Variants in TYW1B observed in about 807,000 individuals in gnomAD.
TYW1B encodes the protein S-adenosyl-L-methionine-dependent tRNA 4-demethylwyosine synthase TYW1B.
A neutral mutation model predicts 86.9 loss-of-function variants in TYW1B; 73 were observed. That is an observed-to-expected ratio of 0.84 (90% CI 0.70 to 1.02). The LOEUF is 1.02. Among genes scored for constraint, TYW1B ranks in the 50% least tolerant of loss-of-function variants. The pLI is 0.00. For missense variants in TYW1B, 637 were observed against 827.4 expected, an observed-to-expected ratio of 0.77 and a Z score of 2.82; for synonymous variants, 248 against 292.8, an observed-to-expected ratio of 0.85 and a Z score of 1.56.
chr7:72,671,316 C>T (rs532190057), intron 11 of TYW1B, among the ~76,000 whole-genome samples: 1 of 152,156 alleles, frequency 6.6e-6, no homozygotes, highest in African/African-American at 2.4e-5. Context: ...CCCTCCACCC[C>T]CAGACACTTG....
intron 11 of TYW1B, among the ~76,000 whole-genome samples, chr7:72,669,976 T>TAAATAAAG (rs1354609902): frequency 7.9e-6 from 1 of 127,364 alleles, no homozygotes; most frequent in Non-Finnish European, 1.7e-5. Context: ...AATAAATAAA[T>TAAATAAAG]AAAGATTAGC....
intron 6 of TYW1B, among the ~76,000 whole-genome samples, chr7:72,796,438 G>A (rs1334506944): frequency 7.1e-6 from 1 of 141,144 alleles, no homozygotes; most frequent in Admixed American, 7.3e-5. Flanking sequence ...GTTTCACCAT[G>A]TTGGCCAGGT....
At chr7:72,807,627 C>CT (rs2129572610) in intron 4 of TYW1B, among the ~76,000 whole-genome samples, 1 of 151,936 alleles carries the variant, frequency 6.6e-6, no homozygotes, top group Non-Finnish European at 1.5e-5. Flanking sequence ...GGGTTAATGA[C>CT]TAAAAAAAAA....
At chr7:72,814,367 G>C (rs376706579) in intron 3 of TYW1B, among the ~76,000 whole-genome samples, 1 of 151,350 alleles carries the variant, frequency 6.6e-6, no homozygotes, top group East Asian at 2.0e-4. Flanking sequence ...GGCGGATCAC[G>C]AGGTCAGGAG....
chr7:72,609,811 A>C (rs1212279318), intron 13 of TYW1B, among the ~76,000 whole-genome samples: 9 of 152,082 alleles, frequency 5.9e-5, no homozygotes, highest in African/African-American at 2.2e-4. Context: ...CAAGATCTGC[A>C]TACTCCGAGA....
intron 11 of TYW1B, among the ~76,000 whole-genome samples, chr7:72,666,142 G>T (rs2129569570): frequency 6.6e-6 from 1 of 152,262 alleles, no homozygotes; most frequent in East Asian, 1.9e-4. Flanking sequence ...GGCCAGGCAT[G>T]GTGGCTCACG....
At chr7:72,779,097 C>A (rs1788004498) in intron 6 of TYW1B, among the ~76,000 whole-genome samples, 1 of 152,050 alleles carries the variant, frequency 6.6e-6, no homozygotes, top group East Asian at 1.9e-4. Flanking sequence ...TTCACAATAA[C>A]TCATCCAGGC....
intron 11 of TYW1B, among the ~76,000 whole-genome samples, chr7:72,668,325 C>T (rs1263717311): frequency 2.0e-5 from 3 of 152,066 alleles, no homozygotes; most frequent in African/African-American, 4.8e-5. Flanking sequence ...GCATATATAT[C>T]AAAAAATGCT....
chr7:72,700,995 C>A (rs1404396371), intron 10 of TYW1B, among the ~76,000 whole-genome samples: 1 of 150,954 alleles, frequency 6.6e-6, no homozygotes, highest in Non-Finnish European at 1.5e-5. Flanking sequence ...ATCGGGGAGG[C>A]GGAGGTTGCA....
intron 13 of TYW1B, among the ~76,000 whole-genome samples, chr7:72,585,436 A>G (rs1172895485): frequency 6.6e-6 from 1 of 152,224 alleles, no homozygotes; most frequent in Admixed American, 6.5e-5. Flanking sequence ...ACACTATACC[A>G]TTCTTTATTT....
chr7:72,730,723 G>A (rs1165872479), intron 8 of TYW1B, among the ~76,000 whole-genome samples: 12 of 151,658 alleles, frequency 7.9e-5, no homozygotes, highest in East Asian at 3.9e-4. Context: ...AGCAGGAGGC[G>A]TAGGAAAAAA....
chr7:72,716,721 C>A (rs1786793233), intron 9 of TYW1B, among the ~76,000 whole-genome samples: 1 of 151,996 alleles, frequency 6.6e-6, no homozygotes, highest in Non-Finnish European at 1.5e-5. Context: ...TCACTGCAAC[C>A]TCCGCCTCCC....
intron 10 of TYW1B, among the ~76,000 whole-genome samples, chr7:72,701,063 C>CGGA (rs1554452452): frequency 6.9e-6 from 1 of 144,232 alleles, no homozygotes; most frequent in Non-Finnish European, 1.5e-5. Context: ...GATTCCATCT[C>CGGA]AGAAAAAAAA....
intron 7 of TYW1B, among the ~76,000 whole-genome samples, chr7:72,771,202 A>T (rs532947481): frequency 3.2e-4 from 49 of 152,152 alleles, no homozygotes; most frequent in African/African-American, 1.1e-3. Flanking sequence ...ACCTCAAATG[A>T]TCCGCCCACC....
At chr7:72,722,952 G>T in intron 9 of TYW1B, 1 of 714,268 alleles carries the variant, frequency 1.4e-6, no homozygotes. Context: ...ACCTTTACCA[G>T]CAGGCCTCCC....
chr7:72,815,521 G>A (rs782746272), intron 2 of TYW1B, 40 bp from the exon 3 acceptor site: 56 of 1,567,238 alleles, frequency 3.6e-5, no homozygotes, highest in Non-Finnish European at 4.8e-5. Context: ...AGTCTTCAAT[G>A]AGCCAAATAT....
intron 7 of TYW1B, chr7:72,769,073 G>C (rs1428326466): frequency 2.9e-5 from 11 of 380,912 alleles, no homozygotes; most frequent in Non-Finnish European, 5.0e-5. Context: ...CAAGGAACAC[G>C]GAGGCTAGTC....
chr7:72,770,382 T>C lies in TYW1B; in HGVS notation c.964+7034A>G, dbSNP rs373862563. On this transcript the variant is annotated intron_variant, in intron 7 of 13. Transcript: ENST00000620995. ...AGGCAGAGGTTGCAGTGAGCCAAGA[T>C]CATGCCACTGTACTCCAGGCTGGCA... Among the ~76,000 whole-genome samples the C allele has an allele frequency of 3.1e-5, 4 of 129,588 alleles. No homozygotes were observed. The East Asian group carries it at 8.9e-4, about 29-fold the overall frequency. The allele number at this position is 129,588 out of a possible 152,430, so 85.0% of individuals were successfully genotyped here.
chr7:72,642,114 A>C (rs571255201), intron 11 of TYW1B, among the ~76,000 whole-genome samples: 4 of 152,190 alleles, frequency 2.6e-5, no homozygotes. Context: ...GTACAAAGAC[A>C]ATTCAATGGG....
Sources: gnomAD v4.1 joint callset for allele counts (sites outside exome capture counted in the v4.1 genomes callset) on GRCh38, gnomAD v4.1.1 for gene constraint, MANE v1.5 for transcripts, NCBI Gene and HGNC (gene_info 2026-07-23, HGNC 2026-07-21) for gene names.